PAFAH1B1: variants seen among roughly 807,000 people sequenced by gnomAD.
PAFAH1B1 encodes platelet activating factor acetylhydrolase 1b regulatory subunit 1.
Under a neutral mutation model 57.5 loss-of-function variants are expected in PAFAH1B1, and 2 were observed. The ratio of observed to expected loss-of-function variants is 0.03; its 90% confidence interval spans 0.01 to 0.11. The LOEUF is 0.11. Ranked by LOEUF, PAFAH1B1 falls within the 10% of genes least tolerant of loss-of-function variation. PAFAH1B1 has a pLI of 1.00. For synonymous variants in PAFAH1B1, 152 were observed against 169.6 expected (o/e 0.90, Z 0.81); for missense variants, 257 against 512.0 (o/e 0.50, Z 4.81).
intron 1 of PAFAH1B1, among the ~76,000 whole-genome samples, chr17:2,596,048 C>T (rs745810575): frequency 2.0e-5 from 3 of 152,128 alleles, no homozygotes; most frequent in African/African-American, 7.2e-5. Context: ...TAAGTCATTT[C>T]TCTGTCGTAA....
chr17:2,660,456 A>G (rs1597563376), intron 2 of PAFAH1B1, among the ~76,000 whole-genome samples: 1 of 151,726 alleles, frequency 6.6e-6, no homozygotes, highest in African/African-American at 2.4e-5. Flanking sequence ...CCTGTGGTCC[A>G]TGTGTTCTCA....
intron 1 of PAFAH1B1, among the ~76,000 whole-genome samples, chr17:2,631,464 T>C (rs1380823436): frequency 1.3e-5 from 2 of 152,092 alleles, no homozygotes; most frequent in Admixed American, 1.3e-4. Flanking sequence ...ACCCCCTCCT[T>C]CTCTGTCCAC....
At chr17:2,635,831 T>G (rs969199216) in intron 1 of PAFAH1B1, among the ~76,000 whole-genome samples, 2 of 151,678 alleles carry the variant, frequency 1.3e-5, no homozygotes, top group Admixed American at 1.3e-4. Flanking sequence ...CCAGGCATGG[T>G]GGCTCATGCT....
At chr17:2,635,903 C>A (rs1437918211) in intron 1 of PAFAH1B1, among the ~76,000 whole-genome samples, 1 of 148,984 alleles carries the variant, frequency 6.7e-6, no homozygotes, top group African/African-American at 2.5e-5. Flanking sequence ...AAATTTGAGA[C>A]CAGCCTGGGC....
intron 2 of PAFAH1B1, among the ~76,000 whole-genome samples, chr17:2,654,400 A>T (rs1186810588): frequency 6.6e-6 from 1 of 150,394 alleles, no homozygotes; most frequent in Non-Finnish European, 1.5e-5. Flanking sequence ...GCTGGTCTCA[A>T]ACTGACCTCA....
chr17:2,651,800 A>T (rs1213715775), intron 2 of PAFAH1B1, among the ~76,000 whole-genome samples: 1 of 151,906 alleles, frequency 6.6e-6, no homozygotes. Context: ...TTAACATCTC[A>T]CATTTATGTG....
intron 8 of PAFAH1B1, 119 bp downstream of exon 8, chr17:2,674,407 C>G: frequency 1.3e-6 from 1 of 750,928 alleles, no homozygotes; most frequent in Admixed American, 2.0e-5. Flanking sequence ...TCCAGCAATT[C>G]TGAATCTTGA....
chr17:2,652,443 T>C (rs948393377), intron 2 of PAFAH1B1, among the ~76,000 whole-genome samples: 1 of 152,134 alleles, frequency 6.6e-6, no homozygotes, highest in African/African-American at 2.4e-5. Flanking sequence ...ACCAAAAACA[T>C]TTCTCCATGT....
At chr17:2,648,791 G>A (rs2068809202) in intron 2 of PAFAH1B1, among the ~76,000 whole-genome samples, 1 of 150,076 alleles carries the variant, frequency 6.7e-6, no homozygotes, top group Admixed American at 6.6e-5. Context: ...GAAAATAACA[G>A]GATATTTTCT....
chr17:2,630,563 T>C (rs1015551134), intron 1 of PAFAH1B1, among the ~76,000 whole-genome samples: 7 of 152,242 alleles, frequency 4.6e-5, no homozygotes, highest in African/African-American at 1.7e-4. Flanking sequence ...GTCTTAACTT[T>C]GGATAACCTG....
chr17:2,665,590 C>CT (rs905966560), intron 3 of PAFAH1B1, 134 bp downstream of exon 3: 4,745 of 516,560 alleles, frequency 9.2e-3, no homozygotes, highest in Non-Finnish European at 0.01. Flanking sequence ...ATTTTCACTC[C>CT]TTTTTTTTTT....
intron 2 of PAFAH1B1, chr17:2,659,520 CAAAA>C (rs1162326785): frequency 7.1e-3 from 303 of 42,604 alleles, no homozygotes; most frequent in South Asian, 0.031. Flanking sequence ...ACTGCCTCGC[CAAAA>C]AAAAAAAAAA....
intron 2 of PAFAH1B1, among the ~76,000 whole-genome samples, chr17:2,649,515 G>C (rs942594317): frequency 6.6e-6 from 1 of 151,972 alleles, no homozygotes; most frequent in Non-Finnish European, 1.5e-5. Context: ...CGGGGAGGTT[G>C]CAGTGAGCGG....
At chr17:2,611,899 C>T (rs2068272160) in intron 1 of PAFAH1B1, among the ~76,000 whole-genome samples, 1 of 152,088 alleles carries the variant, frequency 6.6e-6, no homozygotes, top group Admixed American at 6.6e-5. Context: ...TATGAAGTCA[C>T]AGAAGAGGTG....
intron 4 of PAFAH1B1, among the ~76,000 whole-genome samples, chr17:2,666,353 TAGAA>T (rs2069106775): frequency 6.6e-6 from 1 of 152,140 alleles, no homozygotes; most frequent in Admixed American, 6.5e-5. Flanking sequence ...TTTGTGCACT[TAGAA>T]GGAAAGAATA....
chr17:2,640,777 A>G (rs887257091), intron 2 of PAFAH1B1: 1 of 152,128 alleles, frequency 6.6e-6, no homozygotes, highest in Non-Finnish European at 1.5e-5. Flanking sequence ...ATTCTTGGCC[A>G]GAATACTACA....
chr17:2,629,633 T>C (rs2068532317), intron 1 of PAFAH1B1, among the ~76,000 whole-genome samples: 1 of 152,208 alleles, frequency 6.6e-6, no homozygotes, highest in African/African-American at 2.4e-5. Context: ...CCGTTGTTCC[T>C]TTGTTGACTT....
rs752725313 is a variant in PAFAH1B1, at chr17:2,674,026, C to T, written c.672-34C>T. The T allele has an allele frequency of 2.8e-6, 4 of 1,445,486 alleles. No individual in the cohort carries two copies. In the South Asian group the frequency reaches 4.6e-5, roughly 17 times the overall value. 89.5% of individuals were successfully genotyped at this position (1,445,486 alleles called of 1,614,324 possible). A position where few individuals can be genotyped will look rare whatever the true frequency, so the allele number is the denominator to read the frequency against. On this transcript the variant is annotated intron_variant, in intron 7 of 10. Coordinates refer to ENST00000397195, the MANE Select transcript of PAFAH1B1 (RefSeq NM_000430.4). ...TTCTGGGAAGTGTCCTGATGATTGT[C>T]ATTCACAGTGTAAGTTATTATTTAT...
At chr17:2,630,709 G>A (rs1303023985) in intron 1 of PAFAH1B1, among the ~76,000 whole-genome samples, 6 of 152,078 alleles carry the variant, frequency 3.9e-5, no homozygotes, top group African/African-American at 1.2e-4. Context: ...TGTTTTCCAC[G>A]CTTTTAGAGT....
Sources: gnomAD v4.1 joint callset for allele counts (sites outside exome capture counted in the v4.1 genomes callset) on GRCh38, gnomAD v4.1.1 for gene constraint, MANE v1.5 for transcripts, NCBI Gene and HGNC (gene_info 2026-07-23, HGNC 2026-07-21) for gene names.